The following HPCAL4 variants were observed in gnomAD, a reference collection of about 807,000 sequenced individuals.
HPCAL4 encodes hippocalcin like 4, also known as hippocalcin-like protein 4.
HPCAL4 carries 16 observed loss-of-function variants against 18.2 expected under a neutral mutation model. The ratio of observed to expected loss-of-function variants is 0.88; its 90% confidence interval spans 0.59 to 1.33. HPCAL4 has a LOEUF of 1.33. HPCAL4 is among the 40% of genes most tolerant of loss of function. The pLI is 0.00. For synonymous variants in HPCAL4, 80 were observed against 97.5 expected (o/e 0.82, Z 1.06); for missense variants, 214 against 256.6 (o/e 0.83, Z 1.14).
At chr1:39,683,785 A>G in intron 3 of HPCAL4, 152 bp downstream of exon 3, 1 of 677,158 alleles carries the variant, frequency 1.5e-6, no homozygotes, top group Non-Finnish European at 2.5e-6. Context: ...CGGGTAAAGC[A>G]TTTAGCCCGG....
chr1:39,689,630 T>G (rs1384523618), intron 1 of HPCAL4, among the ~76,000 whole-genome samples: 1 of 152,198 alleles, frequency 6.6e-6, no homozygotes, highest in African/African-American at 2.4e-5. Context: ...TTGAGGGCTG[T>G]CCTCCAGCTA....
At chr1:39,688,797 A>C (rs1194456334) in intron 1 of HPCAL4, among the ~76,000 whole-genome samples, 1 of 152,022 alleles carries the variant, frequency 6.6e-6, no homozygotes, top group Non-Finnish European at 1.5e-5. Flanking sequence ...CTCTCCCCTA[A>C]TATCCTTTCT....
chr1:39,687,925 A>T (rs1570478840), intron 1 of HPCAL4, among the ~76,000 whole-genome samples: 1 of 151,646 alleles, frequency 6.6e-6, no homozygotes, highest in East Asian at 1.9e-4. Flanking sequence ...AGTAAATAAA[A>T]AATTAAGAAA....
chr1:39,683,678 G>A (rs939060097), intron 3 of HPCAL4, among the ~76,000 whole-genome samples: 1 of 152,218 alleles, frequency 6.6e-6, no homozygotes, highest in African/African-American at 2.4e-5. Context: ...TCAGCTATGA[G>A]GTCAGACTCC....
chr1:39,684,262 G>C (rs1221989139), intron 2 of HPCAL4, 110 bp from the exon 3 acceptor site: 2 of 1,099,142 alleles, frequency 1.8e-6, no homozygotes, highest in African/African-American at 3.2e-5. Context: ...CACCCCGGGT[G>C]CCTTGCCCCC....
In HPCAL4 at chr1:39,683,942, TG is replaced by T; in HGVS notation, c.372del (p.Ile125SerfsTer11). The T allele has an allele frequency of 6.2e-7, 1 of 1,613,284 alleles. No homozygotes were observed. Among genetic ancestry groups the T allele is most frequent in the Non-Finnish European group, 8.5e-7 (1 of 1,179,654 alleles). ...GCGCCCGCGCGGCCCCGCACCTCGATGATCTCCAGCATCTCCAGGCGCGTGA... is the reference window on the plus strand; with the variant it reads ...GCGCCCGCGCGGCCCCGCACCTCGATATCTCCAGCATCTCCAGGCGCGTGA... The part of the protein sequence containing the change: ...GRITRLEMLE[I>X]IEAIYKMVGT... On this transcript the variant is annotated frameshift_variant, in exon 3 of 4. Coordinates refer to ENST00000372844, the MANE Select transcript of HPCAL4 (RefSeq NM_016257.4). LOFTEE classifies it high-confidence loss of function.
intron 1 of HPCAL4, among the ~76,000 whole-genome samples, chr1:39,685,831 G>T (rs1339135807): frequency 6.8e-6 from 1 of 147,884 alleles, no homozygotes; most frequent in Non-Finnish European, 1.5e-5. Context: ...AGTGAGCTGA[G>T]ATCGCGCCAC....
intron 3 of HPCAL4, among the ~76,000 whole-genome samples, chr1:39,683,184 C>T (rs970613221): frequency 6.6e-6 from 1 of 152,216 alleles, no homozygotes; most frequent in Non-Finnish European, 1.5e-5. Context: ...ACGCCCAGCC[C>T]TCAACTAATT....
chr1:39,684,167 G>T lies in HPCAL4; in HGVS notation c.163-15C>A. 1 of 1,600,178 alleles carries T rather than the reference G, an allele frequency of 6.2e-7. No homozygotes were observed. The highest frequency in any genetic ancestry group is 8.5e-7 in the Non-Finnish European group (1 of 1,171,540). ...TAGGGGAAGAACTGAGGGGGGTGCGGTGGGTTGGGGCGCAGCGACAGCCCC... is the reference window on the plus strand; with the variant it reads ...TAGGGGAAGAACTGAGGGGGGTGCGTTGGGTTGGGGCGCAGCGACAGCCCC... On this transcript the variant is annotated splice_polypyrimidine_tract_variant and intron_variant, in intron 2 of 3. Transcript: ENST00000372844.
At chr1:39,689,141 G>GT (rs1192595714) in intron 1 of HPCAL4, among the ~76,000 whole-genome samples, 1 of 152,164 alleles carries the variant, frequency 6.6e-6, no homozygotes, top group Non-Finnish European at 1.5e-5. Flanking sequence ...CGTGAGAAAA[G>GT]TTTATTTTTC....
In HPCAL4 at chr1:39,681,573, G is replaced by C. The variant is rs139247257; in HGVS notation, c.*963C>G. The C allele has an allele frequency of 6.6e-6, 1 of 152,264 alleles. No individual in the cohort carries two copies. Among genetic ancestry groups the C allele is most frequent in the Middle Eastern group, 3.4e-3 (1 of 294 alleles). The allele number at this position is 152,264 out of a possible 1,614,324, so 9.4% of individuals were successfully genotyped here. A position where few individuals can be genotyped will look rare whatever the true frequency, so the allele number is the denominator to read the frequency against. ...GCAGCTCAGGACTTAGTCTTAAAAA[G>C]TGTTATCTGGTAAATTTCATGGTCT... On this transcript the variant is annotated 3_prime_UTR_variant, in exon 4 of 4. Transcript: ENST00000372844.
chr1:39,688,659 C>T (rs1378402141), intron 1 of HPCAL4, among the ~76,000 whole-genome samples: 1 of 152,184 alleles, frequency 6.6e-6, no homozygotes, highest in Non-Finnish European at 1.5e-5. Context: ...CTAGAATCCT[C>T]TAGAATCTGG....
rs931183299 is a variant in HPCAL4, at chr1:39,678,913, G to T, written c.*3623C>A. 1 of 152,128 alleles carries T rather than the reference G, an allele frequency of 6.6e-6. No individual in the cohort carries two copies. The highest frequency in any genetic ancestry group is 6.5e-5 in the Admixed American group (1 of 15,278). 9.4% of individuals were successfully genotyped at this position (152,128 alleles called of 1,614,324 possible). A position where few individuals can be genotyped will look rare whatever the true frequency, so the allele number is the denominator to read the frequency against. On this transcript the variant is annotated 3_prime_UTR_variant, in exon 4 of 4. Transcript: ENST00000372844. ...TATACACCCTGGCAGGCCCAGTCCT[G>T]CCCCCACACTCTGGCAAAGGTAAAA...
At chr1:39,690,913 C>T (rs1265804864) in intron 1 of HPCAL4, among the ~76,000 whole-genome samples, 3 of 152,046 alleles carry the variant, frequency 2.0e-5, no homozygotes, top group South Asian at 4.1e-4. Context: ...TGGTGCTGGG[C>T]AGACAACCCA....
chr1:39,687,159 G>A (rs1388648846), intron 1 of HPCAL4, among the ~76,000 whole-genome samples: 2 of 152,222 alleles, frequency 1.3e-5, no homozygotes, highest in Non-Finnish European at 2.9e-5. Flanking sequence ...CACTCCCAGA[G>A]GATGAGGAAT....
chr1:39,690,027 T>A (rs1646705915), intron 1 of HPCAL4, among the ~76,000 whole-genome samples: 2 of 152,082 alleles, frequency 1.3e-5, no homozygotes, highest in South Asian at 4.1e-4. Context: ...GATGGGCTGG[T>A]GGTCTAGGAG....
chr1:39,689,561 G>C (rs1180670214), intron 1 of HPCAL4, among the ~76,000 whole-genome samples: 1 of 152,242 alleles, frequency 6.6e-6, no homozygotes, highest in Admixed American at 6.5e-5. Flanking sequence ...CCCAGCTGGG[G>C]ACATGCTCTG....
intron 1 of HPCAL4, among the ~76,000 whole-genome samples, chr1:39,688,827 A>G (rs963599790): frequency 6.6e-6 from 1 of 152,118 alleles, no homozygotes; most frequent in African/African-American, 2.4e-5. Context: ...GACTATAATC[A>G]GTCTTCAGGG....
chr1:39,683,199 A>C (rs75613945), intron 3 of HPCAL4, among the ~76,000 whole-genome samples: 2,487 of 152,250 alleles, frequency 0.016, 63 homozygotes, highest in African/African-American at 0.054. Flanking sequence ...CTAATTTTTT[A>C]TTTAGACTAA....
Sources: gnomAD v4.1 joint callset for allele counts (sites outside exome capture counted in the v4.1 genomes callset) on GRCh38, gnomAD v4.1.1 for gene constraint, MANE v1.5 for transcripts, NCBI Gene and HGNC (gene_info 2026-07-23, HGNC 2026-07-21) for gene names.